The following HPCAL1 variants were observed in gnomAD, a reference collection of about 807,000 sequenced individuals.
HPCAL1 encodes hippocalcin-like protein 1.
HPCAL1 carries 8 observed loss-of-function variants against 17.1 expected under a neutral mutation model. The ratio of observed to expected loss-of-function variants is 0.47; its 90% CI spans 0.27 to 0.84. The LOEUF (loss-of-function observed/expected upper bound fraction) is 0.84. HPCAL1 is among the 40% of genes least tolerant of loss of function. The pLI is 0.13. For missense variants in HPCAL1, 165 were observed against 271.1 expected, an observed-to-expected ratio of 0.61 and a Z score of 2.75; for synonymous variants, 112 against 111.4, an observed-to-expected ratio of 1.01 and a Z score of -0.03.
chr2:10,422,008 C>A (rs546450222), intron 3 of HPCAL1, among the ~76,000 whole-genome samples: 1 of 152,244 alleles, frequency 6.6e-6, no homozygotes, highest in Admixed American at 6.5e-5. Flanking sequence ...GTGTGTTAAC[C>A]CTTACCCTTT....
At chr2:10,338,063 T>C (rs1342243105) in intron 1 of HPCAL1, among the ~76,000 whole-genome samples, 1 of 152,188 alleles carries the variant, frequency 6.6e-6, no homozygotes, top group Non-Finnish European at 1.5e-5. Flanking sequence ...AGAGTGACTT[T>C]TTTAGAAGTG....
At chr2:10,341,667 A>T (rs1016132825) in intron 1 of HPCAL1, among the ~76,000 whole-genome samples, 1 of 151,966 alleles carries the variant, frequency 6.6e-6, no homozygotes, top group African/African-American at 2.4e-5. Flanking sequence ...GTGGGGAGGG[A>T]TTCCCTCCTG....
At chr2:10,334,528 G>T (rs368413827) in intron 1 of HPCAL1, among the ~76,000 whole-genome samples, 1 of 150,664 alleles carries the variant, frequency 6.6e-6, no homozygotes, top group Non-Finnish European at 1.5e-5. Flanking sequence ...AAAAAGAAAA[G>T]AAAACAGAAA....
chr2:10,338,337 C>A (rs762729899), intron 1 of HPCAL1, among the ~76,000 whole-genome samples: 6 of 152,072 alleles, frequency 3.9e-5, no homozygotes, highest in Non-Finnish European at 7.4e-5. Flanking sequence ...AGCAAATTGA[C>A]AAATTATTGG....
At position 10,390,053 on chromosome 2, in the gene HPCAL1, A is replaced by G. The variant is rs185411774; in HGVS notation, c.-110-6782A>G. On this transcript the variant is annotated intron_variant, in intron 1 of 4. Coordinates refer to ENST00000307845, the MANE Select transcript of HPCAL1 (RefSeq NM_002149.4). ...TGGGAGTGGCAGCAGGAGCTACAGT[A>G]AGACATTGCACATTCTCTGGAAGTC... Among the ~76,000 whole-genome samples the G allele has an allele frequency of 3.2e-3, 490 of 152,350 alleles. 9 individuals carry two copies. Among genetic ancestry groups the G allele is most frequent in the Admixed American group, 0.03 (455 of 15,300 alleles).
chr2:10,417,842 G>C (rs1203894017), intron 2 of HPCAL1, among the ~76,000 whole-genome samples: 2 of 151,708 alleles, frequency 1.3e-5, no homozygotes, highest in Non-Finnish European at 2.9e-5. Flanking sequence ...AGGAGCTTGA[G>C]ACTGGCCTGG....
intron 1 of HPCAL1, among the ~76,000 whole-genome samples, chr2:10,351,041 A>G (rs755556434): frequency 1.3e-5 from 2 of 152,248 alleles, no homozygotes; most frequent in Non-Finnish European, 2.9e-5. Context: ...TAGAGTTACC[A>G]TATGACCTAG....
intron 1 of HPCAL1, among the ~76,000 whole-genome samples, chr2:10,358,388 C>G (rs554737123): frequency 6.6e-6 from 1 of 152,152 alleles, no homozygotes; most frequent in Non-Finnish European, 1.5e-5. Context: ...AGGAGAAGGG[C>G]GGGTCCCTGT....
intron 1 of HPCAL1, among the ~76,000 whole-genome samples, chr2:10,346,733 A>T (rs776086051): frequency 6.6e-5 from 10 of 152,142 alleles, no homozygotes; most frequent in Non-Finnish European, 1.0e-4. Context: ...TGTTTTCACC[A>T]TGATAGTACA....
chr2:10,305,126 TG>T (rs1310747339), intron 1 of HPCAL1, among the ~76,000 whole-genome samples: 1 of 152,128 alleles, frequency 6.6e-6, no homozygotes, highest in Non-Finnish European at 1.5e-5. Context: ...ACACTTAGAA[TG>T]CACCCTGTTT....
intron 1 of HPCAL1, among the ~76,000 whole-genome samples, chr2:10,388,073 A>T (rs7578282): frequency 2.0e-5 from 3 of 152,124 alleles, no homozygotes; most frequent in African/African-American, 7.2e-5. Flanking sequence ...AGGCTTCTGG[A>T]CTAGGGTTCT....
chr2:10,356,791 C>G (rs1309255464), intron 1 of HPCAL1, among the ~76,000 whole-genome samples: 1 of 152,158 alleles, frequency 6.6e-6, no homozygotes, highest in African/African-American at 2.4e-5. Context: ...GGCTTCCCCC[C>G]TCCCTCCAGG....
rs946515480 is a variant in HPCAL1, at chr2:10,304,302, A to T, written c.-111+1125A>T. 3.9e-5 allele frequency among the ~76,000 whole-genome samples: 6 copies of T among 152,230 alleles called. No homozygotes were observed. The highest frequency in any genetic ancestry group is 7.3e-5 in the Non-Finnish European group (5 of 68,028). On this transcript the variant is annotated intron_variant, in intron 1 of 4. Coordinates refer to ENST00000307845, the MANE Select transcript of HPCAL1 (RefSeq NM_002149.4). This position sits in a 1 kb window ranked among gnomAD's most constrained non-coding sequence, Gnocchi z 4.1. ...TTCCTAGTCCGGGAGGATGCAGCTC[A>T]GCTCGTGGAGTCCGAGAGTCACGGC...
intron 2 of HPCAL1, among the ~76,000 whole-genome samples, chr2:10,415,442 T>G (rs1437716730): frequency 6.6e-6 from 1 of 152,114 alleles, no homozygotes; most frequent in East Asian, 1.9e-4. Flanking sequence ...ACTTGCCATG[T>G]TCTATCAGTT....
chr2:10,364,596 T>C (rs1572724314), intron 1 of HPCAL1, among the ~76,000 whole-genome samples: 2 of 151,756 alleles, frequency 1.3e-5, no homozygotes, highest in East Asian at 3.9e-4. Flanking sequence ...CTTTTTTTTT[T>C]TTTTTGGAGA....
In HPCAL1 at chr2:10,343,570, G is replaced by A. The variant is rs898619255; in HGVS notation, c.-111+40393G>A. ...TCTTGAAGTCTGGAGGATTTTTAGG[G>A]TGGGCATGGCTTTAGGTGGGACCTC... On this transcript the variant is annotated intron_variant, in intron 1 of 4. Transcript: ENST00000307845. This position sits in a 1 kb window ranked among gnomAD's most constrained non-coding sequence, Gnocchi z 4.8. 6.6e-6 allele frequency among the ~76,000 whole-genome samples: 1 copy of A among 152,186 alleles called. No individual in the cohort carries two copies. The highest frequency in any genetic ancestry group is 2.4e-5 in the African/African-American group (1 of 41,444).
rs561933009 is a variant in HPCAL1, at chr2:10,349,596, A to G, written c.-111+46419A>G. Reference sequence around the variant, plus strand: ...CGGGCACCTGTAGTCCCAGCTACTCAGGAGGCTGAGGCAGGAGAATGGCGT... The same window carrying G: ...CGGGCACCTGTAGTCCCAGCTACTCGGGAGGCTGAGGCAGGAGAATGGCGT... On this transcript the variant is annotated intron_variant, in intron 1 of 4. Transcript: ENST00000307845. 3.8e-3 allele frequency among the ~76,000 whole-genome samples: 565 copies of G among 149,266 alleles called. 3 individuals are homozygous for G. Among genetic ancestry groups the G allele is most frequent in the Middle Eastern group, 0.017 (5 of 288 alleles).
At chr2:10,346,768 A>C (rs1484777589) in intron 1 of HPCAL1, among the ~76,000 whole-genome samples, 2 of 151,548 alleles carry the variant, frequency 1.3e-5, no homozygotes, top group Non-Finnish European at 2.9e-5. Flanking sequence ...AGAGCTTCTC[A>C]CTTCTCTCCC....
At chr2:10,403,026 A>G in intron 2 of HPCAL1, among the ~76,000 whole-genome samples, 1 of 152,218 alleles carries the variant, frequency 6.6e-6, no homozygotes. Flanking sequence ...AAATTTGGAA[A>G]TAGTTCCTTT....
Sources: allele counts gnomAD v4.1 joint callset (sites outside exome capture counted in the v4.1 genomes callset), GRCh38; gene constraint gnomAD v4.1.1; non-coding constraint Gnocchi (gnomAD v3.1); transcripts MANE v1.5; gene names NCBI Gene and HGNC (gene_info 2026-07-23, HGNC 2026-07-21).